EZR: variants seen among roughly 807,000 people sequenced by gnomAD.
EZR encodes the protein cytovillin 2.
A neutral mutation model predicts 74.8 loss-of-function variants in EZR; 40 were observed. That is an observed-to-expected ratio of 0.53 (90% CI 0.42 to 0.70). The LOEUF is 0.70. Among genes scored for constraint, EZR ranks in the 30% least tolerant of loss-of-function variants. EZR has a pLI of 0.00. For missense variants in EZR, 678 were observed against 755.8 expected (o/e 0.90, Z 1.21); for synonymous variants, 341 against 283.3 (o/e 1.20, Z -2.05).
At chr6:158,809,959 A>G (rs1054280994) in intron 2 of EZR, among the ~76,000 whole-genome samples, 11 of 152,194 alleles carry the variant, frequency 7.2e-5, no homozygotes, top group African/African-American at 7.2e-5. Context: ...AAGTAAAAAC[A>G]ATTATTTACA....
chr6:158,788,193 G>A (rs1323479882), intron 3 of EZR: 2 of 152,186 alleles, frequency 1.3e-5, no homozygotes, highest in Non-Finnish European at 2.9e-5. Flanking sequence ...TTTGCTTAAA[G>A]TAAATCCTAA....
Position 158,795,003 on chromosome 6 carries a change from C to T in EZR, c.13-5632G>A, listed in dbSNP as rs538220194. On this transcript the variant is annotated intron_variant, in intron 2 of 13. Transcript: ENST00000367075. ...CAGTGGCTCACACCTGTAATCACAG[C>T]ACTCTGGGGGGCCAAGGCAGGCAGA... Among the ~76,000 whole-genome samples, 43 of 152,308 alleles carry T rather than the reference C, an allele frequency of 2.8e-4. 1 individual carries two copies. In the South Asian group the frequency reaches 5.8e-3, roughly 21 times the overall value.
chr6:158,789,646 C>T (rs1222311380), intron 2 of EZR: 3 of 524,456 alleles, frequency 5.7e-6, no homozygotes, highest in Non-Finnish European at 1.1e-5. Context: ...TTGAGACAGG[C>T]TCTTGCTCTG....
intron 8 of EZR, among the ~76,000 whole-genome samples, chr6:158,772,391 G>C (rs915849057): frequency 6.6e-6 from 1 of 152,252 alleles, no homozygotes; most frequent in Non-Finnish European, 1.5e-5. Context: ...AGGGACTTCA[G>C]ATATGGGACT....
Position 158,767,282 on chromosome 6 carries a change from C to T in EZR, c.1575G>A (p.Glu525=), listed in dbSNP as rs1440042487. 2 of 1,613,788 alleles carry T rather than the reference C, an allele frequency of 1.2e-6. No individual in the cohort carries two copies. The highest frequency in any genetic ancestry group is 1.7e-5 in the Admixed American group (1 of 59,998). The change falls in exon 13 of 14, where the codon GAG becomes GAA. Residue 525 remains glutamate, a synonymous_variant. Coordinates refer to ENST00000367075, the MANE Select transcript of EZR (RefSeq NM_001111077.2). ...TCACCAGCAGCTGCCGCTGCACACGCTCGTTCTTCTCTGCCTCAGTGATGC... is the reference window on the plus strand; with the variant it reads ...TCACCAGCAGCTGCCGCTGCACACGTTCGTTCTTCTCTGCCTCAGTGATGC... ...EKRITEAEKN[E]RVQRQLLTLS...
intron 2 of EZR, among the ~76,000 whole-genome samples, chr6:158,812,546 C>T (rs536158549): frequency 2.6e-5 from 4 of 152,136 alleles, no homozygotes; most frequent in African/African-American, 7.2e-5. Flanking sequence ...TAGGTATGTA[C>T]GGTGTGTACA....
intron 8 of EZR, among the ~76,000 whole-genome samples, chr6:158,774,711 A>ACACACACG (rs1554272024): frequency 3.3e-5 from 5 of 149,580 alleles, no homozygotes; most frequent in African/African-American, 7.4e-5. Flanking sequence ...ACACACACAC[A>ACACACACG]CACGCACAAA....
chr6:158,806,257 G>A (rs1777336651), intron 2 of EZR, among the ~76,000 whole-genome samples: 1 of 152,168 alleles, frequency 6.6e-6, no homozygotes, highest in South Asian at 2.1e-4. Flanking sequence ...TGGGGGACCT[G>A]CCCTCGCCCT....
rs1282333305 is a variant in EZR at position 158,769,194 on chromosome 6, A to C, written c.1344+132T>G. 4.4e-6 allele frequency: 3 copies of C among 674,254 alleles called. No homozygotes were observed. The African/African-American group carries it at 5.3e-5, about 12-fold the overall frequency. The allele number at this position is 674,254 out of a possible 1,614,324, so 41.8% of individuals were successfully genotyped here. ...GGCAGAGGATCATGAGACATCCCAG[A>C]AGCTTCCAGTGGGATGTGGCAGCTT... On this transcript the variant is annotated intron_variant, in intron 12 of 13. Coordinates refer to ENST00000367075, the MANE Select transcript of EZR (RefSeq NM_001111077.2).
At chr6:158,777,660 A>T (rs1446482946) in intron 7 of EZR, among the ~76,000 whole-genome samples, 1 of 152,218 alleles carries the variant, frequency 6.6e-6, no homozygotes. Flanking sequence ...GCCTACCAAC[A>T]GCTTCAATAC....
chr6:158,802,624 C>T (rs1395510178), intron 2 of EZR, among the ~76,000 whole-genome samples: 5 of 152,120 alleles, frequency 3.3e-5, no homozygotes, highest in African/African-American at 7.2e-5. Context: ...CTCCACCTCC[C>T]GGGTTCAAGC....
In EZR at chr6:158,784,694, C is replaced by T. The variant is rs762139861; in HGVS notation, c.501G>A (p.Gln167=). The T allele has an allele frequency of 2.5e-6, 4 of 1,614,232 alleles. No homozygotes were observed. In the Admixed American group the frequency reaches 6.7e-5, roughly 27 times the overall value. The change falls in exon 6 of 14, where the codon CAG becomes CAA. Residue 167 remains glutamine, a synonymous_variant. Transcript: ENST00000367075. ...GCCACACCTGGATCCGGTCCTCCCA[C>T]TGGTCCCTGGTAAGTTTGTGCTGGT... ...VMDQHKLTRD[Q]WEDRIQVWHA... is the part of the protein sequence containing the mutation.
chr6:158,811,041 T>C (rs1456059320), intron 2 of EZR, among the ~76,000 whole-genome samples: 1 of 152,262 alleles, frequency 6.6e-6, no homozygotes, highest in Non-Finnish European at 1.5e-5. Context: ...ATTAACTATA[T>C]CAAGCATTTC....
intron 2 of EZR, among the ~76,000 whole-genome samples, chr6:158,804,332 T>C (rs1201290332): frequency 6.6e-6 from 1 of 152,184 alleles, no homozygotes; most frequent in African/African-American, 2.4e-5. Flanking sequence ...AACTATTCTT[T>C]CTAGAAACAC....
At chr6:158,809,447 C>T (rs563331992) in intron 2 of EZR, among the ~76,000 whole-genome samples, 54 of 152,320 alleles carry the variant, frequency 3.5e-4, no homozygotes, top group African/African-American at 1.2e-3. Context: ...TGTCATTACA[C>T]AATAGCTTAG....
chr6:158,766,880 G>A lies in EZR; in HGVS notation c.*34C>T, dbSNP rs201308333. On this transcript the variant is annotated 3_prime_UTR_variant, in exon 14 of 14. Transcript: ENST00000367075. ...TGGCGGGGCTGGCAGCGCCCGCTAT[G>A]AGCACCCCTCTGCCCTTGGTCCTGG... 1.7e-4 allele frequency: 273 copies of A among 1,598,966 alleles called. 2 individuals are homozygous for A. In the African/African-American group the frequency reaches 3.3e-3, roughly 19 times the overall value.
chr6:158,783,093 G>A (rs1237951777), intron 7 of EZR, among the ~76,000 whole-genome samples: 3 of 152,148 alleles, frequency 2.0e-5, no homozygotes, highest in Admixed American at 2.0e-4. Context: ...ATTGTTTACA[G>A]CTTTTCAAGT....
At chr6:158,775,034 C>CTTTTT (rs397732491) in intron 8 of EZR, among the ~76,000 whole-genome samples, 10 of 121,540 alleles carry the variant, frequency 8.2e-5, no homozygotes, top group African/African-American at 1.3e-4. Flanking sequence ...AGCAGGAGCC[C>CTTTTT]TTTTTTTTTT....
At chr6:158,787,036 G>T in intron 4 of EZR, 72 bp downstream of exon 4, 2 of 1,216,274 alleles carry the variant, frequency 1.6e-6, no homozygotes, top group Non-Finnish European at 2.4e-6. Context: ...AGGGTGAGTT[G>T]CTCCAGTTTC....
Sources: gnomAD v4.1 joint callset for allele counts (sites outside exome capture counted in the v4.1 genomes callset) on GRCh38, gnomAD v4.1.1 for gene constraint, MANE v1.5 for transcripts, NCBI Gene and HGNC (gene_info 2026-07-23, HGNC 2026-07-21) for gene names.